The following GNAT3 variants were observed in gnomAD, a reference collection of about 807,000 sequenced individuals.
GNAT3 encodes guanine nucleotide-binding protein G(t) subunit alpha-3.
Under a neutral mutation model 37.7 loss-of-function variants are expected in GNAT3, and 31 were observed. The observed-to-expected ratio is 0.82, with a 90% CI of 0.62 to 1.11. The LOEUF (loss-of-function observed/expected upper bound fraction) is 1.11, where lower values mean the gene tolerates loss of function less well. Among genes scored for constraint, GNAT3 ranks in the 50% most tolerant of loss-of-function variants. GNAT3 has a pLI of 0.00. For synonymous variants in GNAT3, 138 were observed against 139.8 expected (o/e 0.99, Z 0.09); for missense variants, 437 against 412.5 (o/e 1.06, Z -0.51).
chr7:80,472,209 C>A (rs1323616160), intron 5 of GNAT3, among the ~76,000 whole-genome samples: 1 of 152,070 alleles, frequency 6.6e-6, no homozygotes, highest in East Asian at 1.9e-4. Flanking sequence ...CTAGTGAGAG[C>A]TGTTTATTTG....
chr7:80,459,595 C>A (rs933010035), intron 7 of GNAT3, among the ~76,000 whole-genome samples: 6 of 152,108 alleles, frequency 3.9e-5, no homozygotes, highest in African/African-American at 1.4e-4. Context: ...TGCAATGAAT[C>A]AGTTGAGAAA....
At chr7:80,462,045 C>T in intron 7 of GNAT3, 114 bp downstream of exon 7, 2 of 700,420 alleles carry the variant, frequency 2.9e-6, no homozygotes, top group Non-Finnish European at 4.6e-6. Flanking sequence ...ATAAAGATAA[C>T]TCAAAAATGA....
At chr7:80,486,067 A>G (rs930665728) in intron 3 of GNAT3, among the ~76,000 whole-genome samples, 1 of 152,226 alleles carries the variant, frequency 6.6e-6, no homozygotes, top group African/African-American at 2.4e-5. Flanking sequence ...CAGAACTCTG[A>G]AAGTCACATG....
At chr7:80,480,518 C>A (rs1217794210) in intron 3 of GNAT3, among the ~76,000 whole-genome samples, 1 of 151,924 alleles carries the variant, frequency 6.6e-6, no homozygotes, top group Non-Finnish European at 1.5e-5. Flanking sequence ...GTCCATAGGG[C>A]AAAATGAAAG....
At chr7:80,459,200 A>T in intron 7 of GNAT3, among the ~76,000 whole-genome samples, 1 of 152,182 alleles carries the variant, frequency 6.6e-6, no homozygotes, top group East Asian at 1.9e-4. Context: ...ATTAAAAGAG[A>T]AAAAGAATGG....
chr7:80,500,114 T>C (rs901381374), intron 1 of GNAT3, among the ~76,000 whole-genome samples: 13 of 152,124 alleles, frequency 8.5e-5, no homozygotes, highest in Non-Finnish European at 1.9e-4. Context: ...AATTATGCTG[T>C]AGATACCAGA....
At chr7:80,478,301 A>T (rs1790338059) in intron 4 of GNAT3, among the ~76,000 whole-genome samples, 1 of 152,218 alleles carries the variant, frequency 6.6e-6, no homozygotes, top group Non-Finnish European at 1.5e-5. Context: ...TGCTAAATGG[A>T]TGATACAAGC....
At chr7:80,487,890 C>T (rs1790519191) in intron 3 of GNAT3, 1 of 151,928 alleles carries the variant, frequency 6.6e-6, no homozygotes, top group African/African-American at 2.4e-5. Context: ...TTTTATATGT[C>T]TGCCTATAAA....
chr7:80,475,147 C>A (rs1790282732), intron 4 of GNAT3, among the ~76,000 whole-genome samples: 1 of 151,996 alleles, frequency 6.6e-6, no homozygotes, highest in African/African-American at 2.4e-5. Flanking sequence ...ATCAATGCAT[C>A]ACTGTGTCTT....
intron 5 of GNAT3, among the ~76,000 whole-genome samples, chr7:80,465,300 A>G (rs1433401863): frequency 6.6e-6 from 1 of 152,120 alleles, no homozygotes; most frequent in Non-Finnish European, 1.5e-5. Context: ...CATGACTTTC[A>G]TGTTCCACAT....
chr7:80,497,617 TATAC>T (rs1790751778), intron 1 of GNAT3, among the ~76,000 whole-genome samples: 1 of 117,682 alleles, frequency 8.5e-6, no homozygotes, highest in Non-Finnish European at 1.7e-5. Flanking sequence ...CGTATATACA[TATAC>T]GTATATACAT....
intron 1 of GNAT3, among the ~76,000 whole-genome samples, chr7:80,496,410 C>T (rs774963077): frequency 1.7e-4 from 26 of 152,148 alleles, no homozygotes; most frequent in Non-Finnish European, 2.8e-4. Flanking sequence ...GGATTGTAGG[C>T]ATGAGCCACT....
chr7:80,497,707 A>G (rs1790760390), intron 1 of GNAT3, among the ~76,000 whole-genome samples: 1 of 151,288 alleles, frequency 6.6e-6, no homozygotes, highest in Non-Finnish European at 1.5e-5. Context: ...TAAATTACAG[A>G]GCAGTGGGGA....
chr7:80,476,384 T>TC (rs1331595962), intron 4 of GNAT3, among the ~76,000 whole-genome samples: 1 of 149,092 alleles, frequency 6.7e-6, no homozygotes, highest in East Asian at 2.0e-4. Context: ...CTAGTATTTT[T>TC]CCTGGTGAAG....
chr7:80,461,008 T>C (rs1790039910), intron 7 of GNAT3, among the ~76,000 whole-genome samples: 1 of 115,186 alleles, frequency 8.7e-6, no homozygotes, highest in Non-Finnish European at 1.7e-5. Flanking sequence ...TAATTATGAG[T>C]TTATATTTAA....
At chr7:80,481,581 AG>A (rs1409218662) in intron 3 of GNAT3, among the ~76,000 whole-genome samples, 1 of 152,198 alleles carries the variant, frequency 6.6e-6, no homozygotes, top group Non-Finnish European at 1.5e-5. Context: ...CATATATAAA[AG>A]AATAAAAGAA....
chr7:80,507,400 C>T lies in GNAT3; in HGVS notation c.118+4409G>A, dbSNP rs903748154. ...TTTAAATTTAACCTGAGTCTTGAGTCCTCACTTCTCTTAGTTACATGTAAA... is the reference window on the plus strand; with the variant it reads ...TTTAAATTTAACCTGAGTCTTGAGTTCTCACTTCTCTTAGTTACATGTAAA... On this transcript the variant is annotated intron_variant, in intron 1 of 7. Transcript: ENST00000398291. Among the ~76,000 whole-genome samples the T allele has an allele frequency of 4.6e-5, 7 of 151,678 alleles. No individual in the cohort carries two copies. In the South Asian group the frequency reaches 1.5e-3, roughly 32 times the overall value.
rs1262612273 is a variant in GNAT3 at position 80,494,779 on chromosome 7, A to G, written c.119-132T>C. On this transcript the variant is annotated intron_variant, in intron 1 of 7. Transcript: ENST00000398291. The stretch of plus-strand genomic sequence containing the variant: ...GGGGGTACAAGTGCAGTTTTGTTAC[A>G]TGGATAAACTGCATAGTGGTGAAGT... The G allele has an allele frequency of 3.6e-5, 22 of 607,572 alleles. No homozygotes were observed. In the Middle Eastern group the frequency reaches 1.3e-3, roughly 35 times the overall value. The allele number at this position is 607,572 out of a possible 1,614,324, so 37.6% of individuals were successfully genotyped here.
chr7:80,472,414 T>C (rs1790236195), intron 5 of GNAT3, among the ~76,000 whole-genome samples: 4 of 152,118 alleles, frequency 2.6e-5, no homozygotes, highest in African/African-American at 9.7e-5. Context: ...GCATGGATGG[T>C]ACATAGATAA....
Sources: allele counts gnomAD v4.1 joint callset (sites outside exome capture counted in the v4.1 genomes callset), GRCh38; gene constraint gnomAD v4.1.1; transcripts MANE v1.5; gene names NCBI Gene and HGNC (gene_info 2026-07-23, HGNC 2026-07-21).